Variants in GALNT17 observed in about 807,000 individuals in gnomAD.
GALNT17 encodes UDP-GalNAc:polypeptide N-acetylgalactosaminyltransferase-like 3.
GALNT17 carries 29 observed loss-of-function variants against 63.7 expected under a neutral mutation model. That is an observed-to-expected ratio of 0.46 (90% CI 0.34 to 0.62). The LOEUF is 0.62. Among genes scored for constraint, GALNT17 ranks in the 20% least tolerant of loss-of-function variants. The pLI is 0.01. For synonymous variants in GALNT17, 305 were observed against 318.3 expected (o/e 0.96, Z 0.45); for missense variants, 603 against 799.6 (o/e 0.75, Z 2.97).
chr7:71,313,846 C>T (rs1436130104), intron 1 of GALNT17, among the ~76,000 whole-genome samples: 4 of 151,924 alleles, frequency 2.6e-5, no homozygotes, highest in African/African-American at 9.7e-5. Context: ...GCAGAGCCCC[C>T]TCAGAAACCT....
chr7:71,370,473 A>T (rs115792908), intron 2 of GALNT17, among the ~76,000 whole-genome samples: 186 of 151,446 alleles, frequency 1.2e-3, no homozygotes, highest in African/African-American at 4.3e-3. Context: ...CTAATTTTTT[A>T]AAATTTGTAT....
chr7:71,230,023 C>T (rs991152912), intron 1 of GALNT17, among the ~76,000 whole-genome samples: 2 of 152,116 alleles, frequency 1.3e-5, no homozygotes, highest in African/African-American at 4.8e-5. Context: ...ATGTGTTAGG[C>T]AGAGGCTGCA....
chr7:71,489,567 C>T (rs540078249), intron 5 of GALNT17, among the ~76,000 whole-genome samples: 3 of 152,226 alleles, frequency 2.0e-5, no homozygotes, highest in African/African-American at 7.2e-5. Context: ...TGATGTGAGA[C>T]TGTTGTGCTG....
chr7:71,670,858 C>T (rs1791057798), intron 8 of GALNT17, among the ~76,000 whole-genome samples: 2 of 150,616 alleles, frequency 1.3e-5, no homozygotes, highest in South Asian at 4.2e-4. Flanking sequence ...AACGTGTACA[C>T]TTTGATGTGT....
chr7:71,492,764 A>T (rs1788031905), intron 5 of GALNT17, among the ~76,000 whole-genome samples: 1 of 152,198 alleles, frequency 6.6e-6, no homozygotes, highest in South Asian at 2.1e-4. Flanking sequence ...AGAGTGTTTG[A>T]CGTATCGCTG....
chr7:71,596,186 C>A (rs575988415), intron 6 of GALNT17, among the ~76,000 whole-genome samples: 4 of 152,112 alleles, frequency 2.6e-5, no homozygotes, highest in Admixed American at 6.5e-5. Flanking sequence ...TTACAGGTGC[C>A]CACCACCACT....
intron 6 of GALNT17, among the ~76,000 whole-genome samples, chr7:71,649,729 T>C (rs889749363): frequency 3.3e-5 from 5 of 152,168 alleles, no homozygotes. Context: ...AGGTAGTCAG[T>C]GTGCTACGTG....
At chr7:71,701,880 TGTATATATATATATAC>T (rs1562742595) in intron 9 of GALNT17, among the ~76,000 whole-genome samples, 2 of 104,854 alleles carry the variant, frequency 1.9e-5, no homozygotes, top group Admixed American at 9.9e-5. Context: ...CATATATATA[TGTATATATATATATAC>T]ACATATATAT....
At chr7:71,539,691 A>G (rs1020622433) in intron 5 of GALNT17, among the ~76,000 whole-genome samples, 1 of 139,950 alleles carries the variant, frequency 7.1e-6, no homozygotes, top group Non-Finnish European at 1.5e-5. Context: ...TATCTATTTC[A>G]GGAGTTTAGT....
intron 5 of GALNT17, among the ~76,000 whole-genome samples, chr7:71,432,146 G>A (rs1786878399): frequency 6.6e-6 from 1 of 151,996 alleles, no homozygotes; most frequent in Non-Finnish European, 1.5e-5. Context: ...TTGCACTCCA[G>A]CCTGGGCAAC....
At position 71,683,257 on chromosome 7, in the gene GALNT17, C is replaced by T. The variant is rs6978924; in HGVS notation, c.1500+5951C>T. The stretch of plus-strand genomic sequence containing the variant: ...GCCACGTGTCCTGAATTAGAGAACG[C>T]TTGGTGTGGCTCTCCAGCTGCCAGG... On this transcript the variant is annotated intron_variant, in intron 9 of 10. Transcript: ENST00000333538. Among the ~76,000 whole-genome samples the T allele has an allele frequency of 3.0e-3, 454 of 152,210 alleles. 1 individual carries two copies. Among genetic ancestry groups the T allele is most frequent in the African/African-American group, 9.1e-3 (379 of 41,526 alleles).
Position 71,132,778 on chromosome 7 carries a change from G to A in GALNT17, c.-25G>A. Reference sequence around the variant, plus strand: ...CGGAGCCCGAGGGGGCGCAGGTCCGGGGCGAGGGCCGGCCGGGCTGTTTGA... The same window carrying A: ...CGGAGCCCGAGGGGGCGCAGGTCCGAGGCGAGGGCCGGCCGGGCTGTTTGA... On this transcript the variant is annotated 5_prime_UTR_variant, in exon 1 of 11. Transcript: ENST00000333538. 6.4e-7 allele frequency: 1 copy of A among 1,567,922 alleles called. No individual in the cohort carries two copies. The highest frequency in any genetic ancestry group is 1.2e-5 in the South Asian group (1 of 86,356).
chr7:71,276,525 A>C (rs764202320), intron 1 of GALNT17, among the ~76,000 whole-genome samples: 1 of 152,122 alleles, frequency 6.6e-6, no homozygotes, highest in Non-Finnish European at 1.5e-5. Context: ...TGCTGTTCTC[A>C]TGATAGTGAA....
intron 1 of GALNT17, among the ~76,000 whole-genome samples, chr7:71,137,233 G>A (rs1355604701): frequency 1.4e-5 from 2 of 146,402 alleles, no homozygotes; most frequent in Admixed American, 7.1e-5. Context: ...TCCGCCTCCC[G>A]GGTTCACGCC....
At chr7:71,612,802 T>A (rs4717607) in intron 6 of GALNT17, among the ~76,000 whole-genome samples, 7 of 152,152 alleles carry the variant, frequency 4.6e-5, no homozygotes, top group African/African-American at 9.7e-5. Flanking sequence ...TAGTTTATTC[T>A]CACACATGCA....
chr7:71,500,472 A>G (rs1317817300), intron 5 of GALNT17, among the ~76,000 whole-genome samples: 1 of 152,122 alleles, frequency 6.6e-6, no homozygotes. Context: ...TCCTTCTAAC[A>G]CACTGGTCTC....
intron 5 of GALNT17, among the ~76,000 whole-genome samples, chr7:71,541,679 T>C (rs898364572): frequency 2.0e-5 from 3 of 152,164 alleles, no homozygotes; most frequent in African/African-American, 7.2e-5. Context: ...TCCACCTGTG[T>C]CATGCCACTA....
intron 5 of GALNT17, among the ~76,000 whole-genome samples, chr7:71,569,181 A>G (rs533636647): frequency 2.6e-5 from 4 of 152,316 alleles, no homozygotes; most frequent in Middle Eastern, 3.4e-3. Flanking sequence ...CATGTTGGCC[A>G]GGATGGTCTC....
intron 5 of GALNT17, among the ~76,000 whole-genome samples, chr7:71,551,771 AAAGAGAGAG>A (rs1789080836): frequency 7.8e-6 from 1 of 128,208 alleles, no homozygotes; most frequent in Non-Finnish European, 1.7e-5. Context: ...AAAAAAAAAA[AAAGAGAGAG>A]AGAGAGAGCG....
Sources: allele counts gnomAD v4.1 joint callset (sites outside exome capture counted in the v4.1 genomes callset), GRCh38; gene constraint gnomAD v4.1.1; transcripts MANE v1.5; gene names NCBI Gene and HGNC (gene_info 2026-07-23, HGNC 2026-07-21).